TDRD12: variants seen among roughly 807,000 people sequenced by gnomAD.
TDRD12 encodes putative ATP-dependent RNA helicase TDRD12.
A neutral mutation model predicts 133.5 loss-of-function variants in TDRD12; 158 were observed. The ratio of observed to expected loss-of-function variants is 1.18; its 90% CI spans 1.04 to 1.35. TDRD12 has a LOEUF of 1.35. Ranked by LOEUF, TDRD12 falls within the 40% of genes most tolerant of loss-of-function variation. The pLI is 0.00. For missense variants in TDRD12, 1,443 were observed against 1,321.3 expected, an observed-to-expected ratio of 1.09 and a Z score of -1.43; for synonymous variants, 460 against 477.9, an observed-to-expected ratio of 0.96 and a Z score of 0.49.
rs559178005 is a variant in TDRD12, at chr19:32,747,857, T to A, written c.441-619T>A. Among the ~76,000 whole-genome samples, 583 of 151,364 alleles carry A rather than the reference T, an allele frequency of 3.9e-3. 4 individuals are homozygous for A. Among genetic ancestry groups the A allele is most frequent in the Admixed American group, 5.5e-3 (83 of 15,178 alleles). ...GACCCTCTCTCTATTAAAAAAAAAA[T>A]TTTTTTTAATCGCTGAGTGTGGTGG... On this transcript the variant is annotated intron_variant, in intron 4 of 27. Coordinates refer to ENST00000444215, the Ensembl canonical transcript of TDRD12.
At chr19:32,767,037 C>T (rs1970317975) in intron 8 of TDRD12, among the ~76,000 whole-genome samples, 1 of 152,094 alleles carries the variant, frequency 6.6e-6, no homozygotes, top group Non-Finnish European at 1.5e-5. Context: ...AGGAACTTAA[C>T]AGCAGTCTCC....
At chr19:32,827,631 C>T (rs1255184108) in exon 10 of TDRD12, 1 of 153,426 alleles carries the variant, frequency 6.5e-6, no homozygotes, top group East Asian at 1.9e-4. Flanking sequence ...CCTCCCACCT[C>T]AGCCTCCCAA....
chr19:32,776,816 C>T (rs1970597735), intron 10 of TDRD12, among the ~76,000 whole-genome samples: 1 of 152,196 alleles, frequency 6.6e-6, no homozygotes, highest in Non-Finnish European at 1.5e-5. Context: ...TAAACCAATT[C>T]CTCAGTGGTG....
intron 6 of TDRD12, among the ~76,000 whole-genome samples, chr19:32,755,508 T>C (rs1369925170): frequency 6.6e-6 from 1 of 152,258 alleles, no homozygotes; most frequent in African/African-American, 2.4e-5. Context: ...TTCAGATTGT[T>C]TGCCCATATT....
At chr19:32,731,679 CTTTT>C (rs1568446262) in intron 1 of TDRD12, 42 bp from the exon 2 acceptor site, 35 of 1,455,790 alleles carry the variant, frequency 2.4e-5, no homozygotes, top group Non-Finnish European at 3.2e-5. Flanking sequence ...TGTGGTACTA[CTTTT>C]AAATCATACG....
intron 8 of TDRD12, among the ~76,000 whole-genome samples, chr19:32,763,418 A>G (rs909810448): frequency 6.6e-6 from 1 of 152,066 alleles, no homozygotes; most frequent in Non-Finnish European, 1.5e-5. Flanking sequence ...GTGGGACAGG[A>G]TGGCTGGAAG....
exon 9 of TDRD12, chr19:32,826,581 C>T (rs895633044): frequency 5.2e-5 from 64 of 1,239,344 alleles, no homozygotes; most frequent in Non-Finnish European, 6.1e-5. Flanking sequence ...GGCATGGTGT[C>T]ACCTACTCAG....
At chr19:32,770,024 G>A (rs1043279960) in intron 8 of TDRD12, among the ~76,000 whole-genome samples, 4 of 147,296 alleles carry the variant, frequency 2.7e-5, no homozygotes, top group East Asian at 2.0e-4. Flanking sequence ...ACAGAGTCTC[G>A]CTCTGTCACC....
rs569898224 is a variant in TDRD12 at position 32,729,406 on chromosome 19, A to C, written c.25-2319A>C. ...CTAATTTTTTGTATTTTTAGTAGAG[A>C]CGGAGTTTCATCGTGTTAGCTAGGA... On this transcript the variant is annotated intron_variant, in intron 1 of 27. Transcript: ENST00000444215. 2.5e-3 allele frequency among the ~76,000 whole-genome samples: 380 copies of C among 150,902 alleles called. 6 individuals are homozygous for C. In the East Asian group the frequency reaches 0.046, roughly 18 times the overall value.
intron 8 of TDRD12, among the ~76,000 whole-genome samples, chr19:32,767,203 A>G (rs1021853969): frequency 1.3e-5 from 2 of 151,042 alleles, no homozygotes; most frequent in Admixed American, 1.3e-4. Flanking sequence ...ATCTCAGCTC[A>G]CTGCAGCCTC....
At chr19:32,779,616 T>C (rs1295493988) in intron 11 of TDRD12, among the ~76,000 whole-genome samples, 1 of 151,892 alleles carries the variant, frequency 6.6e-6, no homozygotes, top group East Asian at 2.0e-4. Flanking sequence ...AACTGCTCTG[T>C]TTTGCTAAGG....
intron 11 of TDRD12, among the ~76,000 whole-genome samples, chr19:32,779,364 G>T (rs762450377): frequency 3.3e-5 from 5 of 152,170 alleles, no homozygotes; most frequent in African/African-American, 4.8e-5. Context: ...CCAGTAAGCG[G>T]TTGTATTTCT....
intron 3 of TDRD12, among the ~76,000 whole-genome samples, chr19:32,739,924 T>C: frequency 7.0e-6 from 1 of 141,988 alleles, no homozygotes; most frequent in Admixed American, 7.0e-5. Context: ...GGGTACTCTC[T>C]GCATCTCCTG....
intron 21 of TDRD12, among the ~76,000 whole-genome samples, chr19:32,805,198 T>TGTTATATATTATATATATA (rs1971510354): frequency 2.5e-5 from 2 of 80,476 alleles, no homozygotes; most frequent in East Asian, 6.0e-4. Context: ...AATATATATA[T>TGTTATATATTATATATATA]ACACACACAC....
chr19:32,768,777 G>A (rs1175583176), intron 8 of TDRD12, among the ~76,000 whole-genome samples: 1 of 152,138 alleles, frequency 6.6e-6, no homozygotes, highest in Non-Finnish European at 1.5e-5. Context: ...AATGGCAGAG[G>A]TGGCTTTCTG....
chr19:32,757,388 C>G (rs1428703755), intron 8 of TDRD12, among the ~76,000 whole-genome samples: 2 of 152,156 alleles, frequency 1.3e-5, no homozygotes, highest in African/African-American at 4.8e-5. Flanking sequence ...TAGCCATCGA[C>G]CAGTAATCAC....
At chr19:32,723,970 G>T (rs560224828) in intron 1 of TDRD12, among the ~76,000 whole-genome samples, 1 of 151,912 alleles carries the variant, frequency 6.6e-6, no homozygotes, top group Non-Finnish European at 1.5e-5. Context: ...GGAGCCTCCT[G>T]CCCCAGCCTC....
chr19:32,804,620 G>A (rs1971490931), intron 21 of TDRD12, among the ~76,000 whole-genome samples: 1 of 151,236 alleles, frequency 6.6e-6, no homozygotes, highest in African/African-American at 2.4e-5. Flanking sequence ...TTGAACCCTG[G>A]AGGCAGAGGT....
intron 26 of TDRD12, 123 bp downstream of exon 26, chr19:32,815,743 C>T (rs1250181432): frequency 1.0e-6 from 1 of 959,666 alleles, no homozygotes; most frequent in Non-Finnish European, 1.5e-6. Context: ...CACCTGTAAT[C>T]CCAGCACTTT....
Sources: allele counts gnomAD v4.1 joint callset (sites outside exome capture counted in the v4.1 genomes callset), GRCh38; gene constraint gnomAD v4.1.1; transcripts MANE v1.5; gene names NCBI Gene and HGNC (gene_info 2026-07-23, HGNC 2026-07-21).